Variants in NALCN observed in about 807,000 individuals in gnomAD.
NALCN encodes the protein sodium leak channel, non-selective.
In NALCN, 111 loss-of-function variants were observed where a neutral mutation model predicts 225.3. That is an observed-to-expected ratio of 0.49 (90% CI 0.42 to 0.58). The LOEUF (loss-of-function observed/expected upper bound fraction) is 0.58. Among genes scored for constraint, NALCN ranks in the 20% least tolerant of loss-of-function variants. The pLI is 0.00. For missense variants in NALCN, 1,378 were observed against 2,202.4 expected (o/e 0.63, Z 7.49); for synonymous variants, 764 against 769.0 (o/e 0.99, Z 0.11).
intron 3 of NALCN, among the ~76,000 whole-genome samples, chr13:101,385,570 C>T (rs2046964681): frequency 6.6e-6 from 1 of 152,206 alleles, no homozygotes; most frequent in Admixed American, 6.5e-5. Flanking sequence ...TGCACGTGTG[C>T]CAATGGAGAC....
intron 13 of NALCN, among the ~76,000 whole-genome samples, chr13:101,192,860 TTTTA>T (rs369183728): frequency 2.6e-5 from 4 of 152,162 alleles, no homozygotes; most frequent in African/African-American, 9.7e-5. Context: ...AATAAATACT[TTTTA>T]ATGAGACTAT....
intron 1 of NALCN, among the ~76,000 whole-genome samples, chr13:101,413,562 G>GA (rs2047846594): frequency 6.6e-6 from 1 of 151,662 alleles, no homozygotes; most frequent in African/African-American, 2.4e-5. Flanking sequence ...ATATTCAGTG[G>GA]TAAAAACAGT....
chr13:101,095,931 G>A (rs1391339496), intron 27 of NALCN, among the ~76,000 whole-genome samples: 1 of 152,024 alleles, frequency 6.6e-6, no homozygotes, highest in South Asian at 2.1e-4. Context: ...ATATGCAAAT[G>A]GCCAAAAAGC....
rs139980228 is a variant in NALCN at position 101,095,669 on chromosome 13, A to G, written c.3174T>C (p.Asn1058=). The G allele has an allele frequency of 6.2e-7, 1 of 1,611,806 alleles. No homozygotes were observed. The highest frequency in any genetic ancestry group is 1.1e-5 in the South Asian group (1 of 90,518). The change falls in exon 28 of 44, where the codon AAT becomes AAC. Residue 1058 remains asparagine (N), a synonymous_variant. Transcript: ENST00000251127. ...CACTGACATTAATTCTGAATATGCC[A>G]TTGCAATCTTCCTAAAGTAGAAAAA... ...DPNIIRREDC[N]GIFRINVSVS... is the part of the protein sequence containing the mutation.
At chr13:101,190,046 A>C (rs2039621643) in intron 14 of NALCN, among the ~76,000 whole-genome samples, 2 of 152,202 alleles carry the variant, frequency 1.3e-5, no homozygotes, top group South Asian at 4.1e-4. Flanking sequence ...TAGTGACCCC[A>C]GTAGAATTTT....
intron 6 of NALCN, among the ~76,000 whole-genome samples, chr13:101,347,801 G>C (rs1343181787): frequency 6.6e-6 from 1 of 152,168 alleles, no homozygotes; most frequent in Non-Finnish European, 1.5e-5. Context: ...GTTAAGTAAA[G>C]TAAACCAAGT....
intron 18 of NALCN, among the ~76,000 whole-genome samples, chr13:101,114,798 C>T (rs1447129117): frequency 1.3e-5 from 2 of 152,160 alleles, no homozygotes; most frequent in Non-Finnish European, 2.9e-5. Flanking sequence ...TTATCACTGC[C>T]TTAAAAAGAC....
chr13:101,103,236 T>C lies in NALCN; in HGVS notation c.2993A>G (p.Lys998Arg), dbSNP rs1171162460. The C allele has an allele frequency of 1.2e-6, 2 of 1,613,936 alleles. No individual in the cohort carries two copies. The highest frequency in any genetic ancestry group is 1.7e-6 in the Non-Finnish European group (2 of 1,179,896). The change falls in exon 26 of 44, where the codon AAA becomes AGA. Residue 998 changes from lysine to arginine, a missense_variant. Lys to Arg is a conservative substitution (Grantham distance 26). Transcript: ENST00000251127. ...LRCLRPLRIF[K>R]LVPQMRKVVR... Reference sequence around the variant, plus strand: ...AACTTTCCTCATCTGGGGCACCAGTTTGAATATGCGCAGAGGTCTCAGGCA... The same window carrying C: ...AACTTTCCTCATCTGGGGCACCAGTCTGAATATGCGCAGAGGTCTCAGGCA...
At chr13:101,153,141 GT>G (rs1223481067) in intron 15 of NALCN, among the ~76,000 whole-genome samples, 1 of 152,058 alleles carries the variant, frequency 6.6e-6, no homozygotes, top group Non-Finnish European at 1.5e-5. Flanking sequence ...TTAAACTTTT[GT>G]TCAGTTTTAT....
intron 13 of NALCN, among the ~76,000 whole-genome samples, chr13:101,212,965 C>A (rs981466834): frequency 2.0e-5 from 3 of 151,982 alleles, no homozygotes; most frequent in Admixed American, 6.6e-5. Context: ...TCATATGGAA[C>A]CAAAAAAGAG....
At chr13:101,278,968 T>C (rs1339323866) in intron 10 of NALCN, among the ~76,000 whole-genome samples, 1 of 152,192 alleles carries the variant, frequency 6.6e-6, no homozygotes, top group African/African-American at 2.4e-5. Flanking sequence ...GCCAAGAAGG[T>C]ACTGCCTCCT....
chr13:101,225,725 C>A (rs2041116682), intron 13 of NALCN, among the ~76,000 whole-genome samples: 1 of 152,148 alleles, frequency 6.6e-6, no homozygotes, highest in Admixed American at 6.5e-5. Context: ...AGAGATGCTG[C>A]TGAAAAACTT....
At chr13:101,283,628 C>T (rs540625803) in intron 10 of NALCN, among the ~76,000 whole-genome samples, 1 of 152,300 alleles carries the variant, frequency 6.6e-6, no homozygotes, top group South Asian at 2.1e-4. Flanking sequence ...TGCCACATAA[C>T]TCAGTCCTTC....
At chr13:101,111,101 A>G in intron 19 of NALCN, 24 bp downstream of exon 19, 1 of 1,591,004 alleles carries the variant, frequency 6.3e-7, no homozygotes, top group Non-Finnish European at 8.6e-7. Context: ...GAGTCTCTGA[A>G]GCCCTGTCTT....
intron 18 of NALCN, among the ~76,000 whole-genome samples, chr13:101,118,681 A>G (rs545466835): frequency 4.6e-5 from 7 of 152,342 alleles, no homozygotes; most frequent in African/African-American, 1.4e-4. Context: ...AATTGCAAAG[A>G]TAAATATTTA....
chr13:101,288,661 C>T (rs376623122), intron 9 of NALCN, among the ~76,000 whole-genome samples: 6 of 152,160 alleles, frequency 3.9e-5, no homozygotes, highest in African/African-American at 1.4e-4. Flanking sequence ...GAGATAATAA[C>T]AGACCCAGAA....
At chr13:101,100,698 G>T in intron 27 of NALCN, 86 bp downstream of exon 27, 1 of 1,105,282 alleles carries the variant, frequency 9.0e-7, no homozygotes, top group Non-Finnish European at 1.3e-6. Flanking sequence ...TCCCTCCTTG[G>T]CATTCCAAAG....
At chr13:101,183,517 T>G (rs1021063848) in intron 14 of NALCN, among the ~76,000 whole-genome samples, 3 of 152,168 alleles carry the variant, frequency 2.0e-5, no homozygotes, top group African/African-American at 7.2e-5. Context: ...TGGAGTGCAG[T>G]GGTGCGATCT....
At chr13:101,414,049 T>C (rs1048112757) in intron 1 of NALCN, among the ~76,000 whole-genome samples, 3 of 99,522 alleles carry the variant, frequency 3.0e-5, no homozygotes, top group African/African-American at 1.5e-4. Context: ...CTACACTTGG[T>C]GAATTTTTTT....
Sources: allele counts gnomAD v4.1 joint callset (sites outside exome capture counted in the v4.1 genomes callset), GRCh38; gene constraint gnomAD v4.1.1; transcripts MANE v1.5; gene names NCBI Gene and HGNC (gene_info 2026-07-23, HGNC 2026-07-21).